The following OR2Z1 variants were observed in gnomAD, a reference collection of about 807,000 sequenced individuals.
OR2Z1 encodes olfactory receptor family 2 subfamily Z member 1.
For synonymous variants in OR2Z1, 188 were observed against 160.6 expected (o/e 1.17, Z -1.29); for missense variants, 449 against 401.8 (o/e 1.12, Z -1.00).
At chr19:8,722,270 A>G (rs10404785) in intron 1 of OR2Z1, among the ~76,000 whole-genome samples, 2,812 of 150,788 alleles carry the variant, frequency 0.019, 85 homozygotes, top group African/African-American at 0.065. Flanking sequence ...TGAATATAAT[A>G]TAAGAGAATG....
At chr19:8,722,937 A>G (rs1439997244) in intron 1 of OR2Z1, among the ~76,000 whole-genome samples, 169 bp from the exon 2 acceptor site, 1 of 152,180 alleles carries the variant, frequency 6.6e-6, no homozygotes, top group East Asian at 1.9e-4. Flanking sequence ...GCTTGAGCCC[A>G]GGAGTTGAAG....
chr19:8,731,136 C>T lies in OR2Z1; in HGVS notation c.108C>T (p.Val36=). 1 of 1,614,092 alleles carries T rather than the reference C, an allele frequency of 6.2e-7. No homozygotes were observed. The highest frequency in any genetic ancestry group is 8.5e-7 in the Non-Finnish European group (1 of 1,179,998). ...TCTCCCTGGTGGCTGTCATGTTTGTCATAGGCCTTCTGGGCAACACCGTTC... is the reference window on the plus strand; with the variant it reads ...TCTCCCTGGTGGCTGTCATGTTTGTTATAGGCCTTCTGGGCAACACCGTTC... The part of the protein sequence containing the change: ...LLFSLVAVMF[V]IGLLGNTVLL... Residue 36 remains valine, a synonymous_variant, in exon 3 of 3, where the codon GTC becomes GTT. Transcript: ENST00000641125.
chr19:8,725,985 G>T (rs2043325712), intron 2 of OR2Z1, among the ~76,000 whole-genome samples: 2 of 151,916 alleles, frequency 1.3e-5, no homozygotes, highest in Admixed American at 1.3e-4. Flanking sequence ...GTGGGTGGAG[G>T]AGACGGAGTC....
At chr19:8,727,177 C>A (rs1367989053) in intron 2 of OR2Z1, among the ~76,000 whole-genome samples, 3 of 152,126 alleles carry the variant, frequency 2.0e-5, no homozygotes, top group Admixed American at 6.5e-5. Flanking sequence ...CTCCTGGGTG[C>A]AAGCGATCTT....
intron 2 of OR2Z1, among the ~76,000 whole-genome samples, chr19:8,724,967 C>G (rs1034129316): frequency 2.6e-5 from 4 of 152,118 alleles, no homozygotes; most frequent in Non-Finnish European, 5.9e-5. Flanking sequence ...TTATTTCTGT[C>G]TGGAACAACC....
chr19:8,731,534 G>A lies in OR2Z1; in HGVS notation c.506G>A (p.Cys169Tyr). The change falls in exon 3 of 3, where the codon TGT (cysteine) becomes TAT (tyrosine). Residue 169 changes from cysteine (C) to tyrosine (Y), a missense_variant. By Grantham distance (194) the Cys-to-Tyr change is radical. Transcript: ENST00000641125. ...TCCATCACCCTGCATTTTCCCTACT[G>A]TGCCTCCCGTATTGTGGATCACTTC... is the stretch of plus-strand genomic sequence containing the variant. Reference protein sequence around the residue: ...QTSITLHFPYCASRIVDHFFC... With the variant: ...QTSITLHFPYYASRIVDHFFC... The A allele has an allele frequency of 1.2e-6, 2 of 1,614,040 alleles. No homozygotes were observed. The highest frequency in any genetic ancestry group is 1.7e-6 in the Non-Finnish European group (2 of 1,180,020).
intron 2 of OR2Z1, among the ~76,000 whole-genome samples, chr19:8,727,782 G>T (rs782532859): frequency 2.0e-5 from 3 of 152,220 alleles, no homozygotes; most frequent in Non-Finnish European, 2.9e-5. Flanking sequence ...CAGGAGAATT[G>T]CTTGAACCGG....
intron 2 of OR2Z1, among the ~76,000 whole-genome samples, chr19:8,724,252 A>T (rs1555755954): frequency 6.6e-6 from 1 of 151,406 alleles, no homozygotes; most frequent in African/African-American, 2.4e-5. Flanking sequence ...TAATTGAGAG[A>T]GGGTCTCACT....
intron 2 of OR2Z1, among the ~76,000 whole-genome samples, chr19:8,729,600 T>G (rs2043342766): frequency 6.6e-6 from 1 of 151,824 alleles, no homozygotes; most frequent in Non-Finnish European, 1.5e-5. Flanking sequence ...GAGATGGTTT[T>G]TTTTTTTTTG....
At chr19:8,724,559 G>T (rs556907124) in intron 2 of OR2Z1, among the ~76,000 whole-genome samples, 8 of 152,084 alleles carry the variant, frequency 5.3e-5, no homozygotes, top group Non-Finnish European at 1.2e-4. Context: ...TTGTCATCAA[G>T]GGCTTGCTGA....
Position 8,731,684 on chromosome 19 carries a change from G to T in OR2Z1, c.656G>T (p.Gly219Val). 2.5e-6 allele frequency: 4 copies of T among 1,613,974 alleles called. No individual in the cohort carries two copies. The highest frequency in any genetic ancestry group is 3.4e-6 in the Non-Finnish European group (4 of 1,180,008). Residue 219 changes from glycine to valine, a missense_variant, in exon 3 of 3, where the codon GGC becomes GTC. Coordinates refer to ENST00000641125, the MANE Select transcript of OR2Z1 (RefSeq NM_001004699.3). The stretch of plus-strand genomic sequence containing the variant: ...CTTTCCCTCATCGCCACCTCCTACG[G>T]CCACGTGTTGCAGGCTGTTCTAAGC... ...LPLSLIATSY[G>V]HVLQAVLSMR...
rs541943698 is a variant in OR2Z1, at chr19:8,731,875, C to G, written c.847C>G (p.Pro283Ala). The change falls in exon 3 of 3, where the codon CCT (proline) becomes GCT (alanine). Residue 283 changes from proline (P) to alanine (A), a missense_variant. Pro to Ala is a conservative substitution (Grantham distance 27). Transcript: ENST00000641125. ...TTCCCTCTTCTATAGCCTTGTCACC[C>G]CTACACTCAACCCCCTTATCTACAG... Reference protein sequence around the residue: ...VVSLFYSLVTPTLNPLIYSLR... With the variant: ...VVSLFYSLVTATLNPLIYSLR... The G allele has an allele frequency of 3.1e-6, 5 of 1,614,216 alleles. 1 individual carries two copies. Among genetic ancestry groups the G allele is most frequent in the Non-Finnish European group, 4.2e-6 (5 of 1,180,032 alleles).
At chr19:8,728,463 C>A (rs1158068916) in intron 2 of OR2Z1, among the ~76,000 whole-genome samples, 1 of 152,200 alleles carries the variant, frequency 6.6e-6, no homozygotes, top group African/African-American at 2.4e-5. Context: ...AGCTCAGCAG[C>A]AACTGCCCCT....
intron 1 of OR2Z1, among the ~76,000 whole-genome samples, chr19:8,722,586 C>A (rs2145073870): frequency 6.6e-6 from 1 of 152,302 alleles, no homozygotes; most frequent in Non-Finnish European, 1.5e-5. Context: ...ATTTAGGAAT[C>A]ACTGTGAGAT....
rs73924359 is a variant in OR2Z1 at position 8,729,187 on chromosome 19, A to G, written c.-169-1673A>G. 12,703 of 902,146 alleles carry G rather than the reference A, an allele frequency of 0.014. 1,075 individuals are homozygous for G. In the African/African-American group the frequency reaches 0.18, roughly 13 times the overall value. 55.9% of individuals were successfully genotyped at this position (902,146 alleles called of 1,614,324 possible). On this transcript the variant is annotated intron_variant, in intron 2 of 2. Coordinates refer to ENST00000641125, the MANE Select transcript of OR2Z1 (RefSeq NM_001004699.3). ...CTTTAGGAGGGGCAGGAGCTTCCTT[A>G]TTTGCTTTCGGCGCCATCTTGTGAA...
rs945257726 is a variant in OR2Z1 at position 8,729,072 on chromosome 19, G to T, written c.-169-1788G>T. On this transcript the variant is annotated intron_variant, in intron 2 of 2. Coordinates refer to ENST00000641125, the MANE Select transcript of OR2Z1 (RefSeq NM_001004699.3). ...TCACAGTGTCTTGGGCTGCTGGAAG[G>T]TGGGTGACATGTGGGATCTTTTTTT... 6.1e-6 allele frequency: 7 copies of T among 1,155,688 alleles called. No individual in the cohort carries two copies. In the African/African-American group the frequency reaches 1.1e-4, roughly 18 times the overall value. 71.6% of individuals were successfully genotyped at this position (1,155,688 alleles called of 1,614,324 possible). A position where few individuals can be genotyped will look rare whatever the true frequency, so the allele number is the denominator to read the frequency against.
rs1555756656 is a variant in OR2Z1 at position 8,730,987 on chromosome 19, G to A, written c.-42G>A. On this transcript the variant is annotated 5_prime_UTR_variant, in exon 3 of 3. Coordinates refer to ENST00000641125, the MANE Select transcript of OR2Z1 (RefSeq NM_001004699.3). ...CACCCCATGCAGGCTTCTTGCCATA[G>A]TTCAGCTGTTCTTCCTGCAGCTAAA... 6.5e-7 allele frequency: 1 copy of A among 1,530,420 alleles called. No individual in the cohort carries two copies. The highest frequency in any genetic ancestry group is 1.7e-5 in the Admixed American group (1 of 58,410). The allele number at this position is 1,530,420 out of a possible 1,614,324, so 94.8% of individuals were successfully genotyped here.
rs2043361100 is a variant in OR2Z1, at chr19:8,732,135, T to A, written c.*162T>A. 4.8e-6 allele frequency: 3 copies of A among 618,906 alleles called. No homozygotes were observed. The highest frequency in any genetic ancestry group is 8.5e-6 in the Non-Finnish European group (3 of 351,424). 38.3% of individuals were successfully genotyped at this position (618,906 alleles called of 1,614,324 possible). On this transcript the variant is annotated 3_prime_UTR_variant, in exon 3 of 3. Transcript: ENST00000641125. Reference sequence around the variant, plus strand: ...AAAATGTCTGCCTTTTAAATTGAGGTAGAATACACGTAACATAAAATGAGC... The same window carrying A: ...AAAATGTCTGCCTTTTAAATTGAGGAAGAATACACGTAACATAAAATGAGC...
chr19:8,731,099 G>A lies in OR2Z1; in HGVS notation c.71G>A (p.Arg24His), dbSNP rs61746162. The A allele has an allele frequency of 2.6e-3, 4,192 of 1,614,052 alleles. 99 individuals are homozygous for A. In the African/African-American group the frequency reaches 0.05, roughly 19 times the overall value. Residue 24 changes from arginine (R) to histidine (H), a missense_variant, in exon 3 of 3, where the codon CGC becomes CAC. Physicochemically the swap from Arg to His is conservative, Grantham distance 29. Transcript: ENST00000641125. Reference protein sequence around the residue: ...LVGLFSHSGSRQLLFSLVAVM... With the variant: ...LVGLFSHSGSHQLLFSLVAVM... ...GGCCTCTTCAGTCACTCAGGATCAC[G>A]CCAGCTCCTCTTCTCCCTGGTGGCT...
Sources: allele counts gnomAD v4.1 joint callset (sites outside exome capture counted in the v4.1 genomes callset), GRCh38; gene constraint gnomAD v4.1.1; transcripts MANE v1.5; gene names NCBI Gene and HGNC (gene_info 2026-07-23, HGNC 2026-07-21).